YTHDF3: variants seen among roughly 807,000 people sequenced by gnomAD.
YTHDF3 encodes YTH N6-methyladenosine RNA binding protein F3, also known as YTH domain-containing family protein 3.
A neutral mutation model predicts 52.5 loss-of-function variants in YTHDF3; 9 were observed. The ratio of observed to expected loss-of-function variants is 0.17; its 90% CI spans 0.10 to 0.30. The LOEUF (loss-of-function observed/expected upper bound fraction) is 0.30, where lower values mean the gene tolerates loss of function less well. Ranked by LOEUF, YTHDF3 falls within the 10% of genes least tolerant of loss-of-function variation. The pLI is 1.00. For missense variants in YTHDF3, 534 were observed against 715.0 expected (o/e 0.75, Z 2.89); for synonymous variants, 274 against 243.3 (o/e 1.13, Z -1.18).
chr8:63,172,717 A>G (rs1807411157), intron 2 of YTHDF3: 2 of 1,205,218 alleles, frequency 1.7e-6, no homozygotes, highest in Non-Finnish European at 2.1e-6. Flanking sequence ...ACCAGAGCAA[A>G]GAATCACCTG....
At chr8:63,200,405 ATTTCTTTTTCTTTTT>A (rs936852683) in intron 4 of YTHDF3, among the ~76,000 whole-genome samples, 10 of 151,840 alleles carry the variant, frequency 6.6e-5, no homozygotes, top group African/African-American at 2.4e-4. Context: ...AAATTTTTAA[ATTTCTTTTTCTTTTT>A]TTTCTTTTTT....
At chr8:63,192,212 G>A (rs1808958560) in intron 4 of YTHDF3, among the ~76,000 whole-genome samples, 1 of 152,114 alleles carries the variant, frequency 6.6e-6, no homozygotes, top group African/African-American at 2.4e-5. Flanking sequence ...AATATCCTTT[G>A]TGGTTGTGGT....
intron 4 of YTHDF3, among the ~76,000 whole-genome samples, chr8:63,203,345 C>T (rs1809768424): frequency 1.3e-5 from 2 of 151,938 alleles, no homozygotes. Context: ...ATAAGCAGGA[C>T]AACCATTAAA....
intron 4 of YTHDF3, 127 bp downstream of exon 4, chr8:63,187,872 C>G: frequency 9.5e-7 from 1 of 1,050,228 alleles, no homozygotes; most frequent in East Asian, 2.6e-5. Flanking sequence ...TCTACAAACA[C>G]CCTTGAAGGT....
chr8:63,168,809 A>G lies in YTHDF3; in HGVS notation c.-69A>G, dbSNP rs1046799087. 1.7e-5 allele frequency: 27 copies of G among 1,549,748 alleles called. No individual in the cohort carries two copies. The highest frequency in any genetic ancestry group is 3.6e-5 in the South Asian group (3 of 84,018). ...ATCACTCGGCCAAGGGCGACAGCCA[A>G]CTGCTGTGAGTGCACGGGGAGAGGC... On this transcript the variant is annotated 5_prime_UTR_variant, in exon 1 of 5. Coordinates refer to ENST00000539294, the MANE Select transcript of YTHDF3 (RefSeq NM_152758.6).
At chr8:63,204,499 T>A (rs1809864688) in intron 4 of YTHDF3, among the ~76,000 whole-genome samples, 2 of 152,016 alleles carry the variant, frequency 1.3e-5, no homozygotes, top group South Asian at 4.1e-4. Flanking sequence ...GTAACTGGGA[T>A]TACAGGCATG....
intron 4 of YTHDF3, among the ~76,000 whole-genome samples, chr8:63,207,471 C>T (rs1810106182): frequency 6.6e-6 from 1 of 151,990 alleles, no homozygotes; most frequent in South Asian, 2.1e-4. Flanking sequence ...TTTGTGCTTT[C>T]TAATCTAGAT....
chr8:63,209,720 T>G lies in YTHDF3; in HGVS notation c.*14T>G, dbSNP rs146849358. Reference sequence around the variant, plus strand: ...AACAAACAATAACCGTATGAAGATGTCCTGTTAAATTTACAACACTAACGA... The same window carrying G: ...AACAAACAATAACCGTATGAAGATGGCCTGTTAAATTTACAACACTAACGA... On this transcript the variant is annotated 3_prime_UTR_variant, in exon 5 of 5. Transcript: ENST00000539294. The G allele has an allele frequency of 2.8e-3, 4,395 of 1,573,378 alleles. 56 individuals are homozygous for G. Among genetic ancestry groups the G allele is most frequent in the African/African-American group, 0.024 (1,718 of 73,012 alleles).
intron 3 of YTHDF3, among the ~76,000 whole-genome samples, chr8:63,182,234 A>ATTTTTTTT (rs11348989): frequency 2.7e-5 from 3 of 111,718 alleles, no homozygotes; most frequent in Non-Finnish European, 3.6e-5. Context: ...TGCCTGGCTA[A>ATTTTTTTT]TTTTTTTTTT....
intron 3 of YTHDF3, 49 bp from the exon 4 acceptor site, chr8:63,186,098 C>A: frequency 1.3e-6 from 2 of 1,491,380 alleles, no homozygotes; most frequent in Non-Finnish European, 1.8e-6. Context: ...TCTTTTTTTG[C>A]TCTTTTAAGA....
At chr8:63,172,704 A>G in intron 2 of YTHDF3, 4 of 1,150,414 alleles carry the variant, frequency 3.5e-6, no homozygotes, top group Non-Finnish European at 4.4e-6. Context: ...TGATGTAGTC[A>G]GGACCAGAGC....
chr8:63,190,668 A>G (rs534875795), intron 4 of YTHDF3, among the ~76,000 whole-genome samples: 3 of 152,146 alleles, frequency 2.0e-5, no homozygotes, highest in Non-Finnish European at 2.9e-5. Flanking sequence ...TGTTCAAATA[A>G]GGCAAATACC....
Position 63,187,624 on chromosome 8 carries a change from T to C in YTHDF3, c.1613T>C (p.Val538Ala). ...PVTNSRDTQE[V>A]PLEKAKQVLK... The stretch of plus-strand genomic sequence containing the variant: ...ACCAATTCAAGGGACACTCAAGAGG[T>C]ACCCCTAGAAAAAGCTAAGCAAGTG... The change falls in exon 4 of 5, where the codon GTA (valine) becomes GCA (alanine). Residue 538 changes from valine (V) to alanine (A), a missense_variant. This residue lies in a region of YTHDF3 where 135 missense variants were observed against 214.2 expected (regional missense o/e 0.63). Transcript: ENST00000539294. The C allele has an allele frequency of 6.2e-7, 1 of 1,612,030 alleles. No homozygotes were observed. Among genetic ancestry groups the C allele is most frequent in the Non-Finnish European group, 8.5e-7 (1 of 1,178,880 alleles).
At chr8:63,179,259 C>T (rs1273444298) in intron 3 of YTHDF3, among the ~76,000 whole-genome samples, 2 of 148,088 alleles carry the variant, frequency 1.4e-5, no homozygotes, top group East Asian at 3.9e-4. Flanking sequence ...TTGGGTGTTT[C>T]TCGCAGAGGG....
At chr8:63,206,051 A>C (rs899713255) in intron 4 of YTHDF3, among the ~76,000 whole-genome samples, 1 of 152,046 alleles carries the variant, frequency 6.6e-6, no homozygotes, top group African/African-American at 2.4e-5. Context: ...TTGTCTCATA[A>C]GCAGCCTAAA....
chr8:63,183,293 G>A (rs1369077635), intron 3 of YTHDF3, among the ~76,000 whole-genome samples: 1 of 151,762 alleles, frequency 6.6e-6, no homozygotes, highest in East Asian at 1.9e-4. Flanking sequence ...ACATATATTC[G>A]TTTATACTAG....
chr8:63,187,646 A>G lies in YTHDF3; in HGVS notation c.1635A>G (p.Gln545=), dbSNP rs1267937543. 6.2e-7 allele frequency: 1 copy of G among 1,611,074 alleles called. No homozygotes were observed. Among genetic ancestry groups the G allele is most frequent in the African/African-American group, 1.3e-5 (1 of 74,920 alleles). Reference sequence around the variant, plus strand: ...AGGTACCCCTAGAAAAAGCTAAGCAAGTGCTTAAAATAATTGCTACTTTCA... The same window carrying G: ...AGGTACCCCTAGAAAAAGCTAAGCAGGTGCTTAAAATAATTGCTACTTTCA... The part of the protein sequence containing the change: ...TQEVPLEKAK[Q]VLKIIATFKH... The change falls in exon 4 of 5, where the codon CAA becomes CAG. Residue 545 remains glutamine (Q), a synonymous_variant. Coordinates refer to ENST00000539294, the MANE Select transcript of YTHDF3 (RefSeq NM_152758.6).
chr8:63,183,042 T>C (rs1409206457), intron 3 of YTHDF3, among the ~76,000 whole-genome samples: 2 of 151,544 alleles, frequency 1.3e-5, no homozygotes, highest in African/African-American at 4.9e-5. Flanking sequence ...CTGCAACCTC[T>C]GCCTCCTGGG....
intron 3 of YTHDF3, among the ~76,000 whole-genome samples, chr8:63,183,674 C>G (rs537691796): frequency 6.6e-6 from 1 of 152,270 alleles, no homozygotes; most frequent in Non-Finnish European, 1.5e-5. Context: ...GTTAGAGTTA[C>G]TAATTATCCA....
Sources: gnomAD v4.1 joint callset for allele counts (sites outside exome capture counted in the v4.1 genomes callset) on GRCh38, gnomAD v4.1.1 for gene constraint, gnomAD v4.1.1 regional missense constraint, MANE v1.5 for transcripts, NCBI Gene and HGNC (gene_info 2026-07-23, HGNC 2026-07-21) for gene names.